The following RIN2 variants were observed in gnomAD, a reference collection of about 807,000 sequenced individuals.
RIN2 encodes the protein Ras and Rab interactor 2.
In RIN2, 36 loss-of-function variants were observed where a neutral mutation model predicts 78.0. The ratio of observed to expected loss-of-function variants is 0.46; its 90% CI spans 0.35 to 0.61. The LOEUF (loss-of-function observed/expected upper bound fraction) is 0.61. RIN2 is among the 20% of genes least tolerant of loss of function. RIN2 has a pLI of 0.00. For missense variants in RIN2, 1,087 were observed against 1,159.7 expected (o/e 0.94, Z 0.91); for synonymous variants, 466 against 466.8 (o/e 1.00, Z 0.02).
chr20:19,839,734 A>G (rs543266752), intron 2 of RIN2, among the ~76,000 whole-genome samples: 20 of 152,226 alleles, frequency 1.3e-4, no homozygotes, highest in South Asian at 1.0e-3. Flanking sequence ...TCTTTGTGCA[A>G]TATGGCTAGC....
chr20:19,992,433 A>G lies in RIN2; in HGVS notation c.2200+134A>G, dbSNP rs918693180. The G allele has an allele frequency of 1.2e-5, 10 of 833,496 alleles. No homozygotes were observed. In the Middle Eastern group the frequency reaches 1.1e-3, roughly 92 times the overall value. 51.6% of individuals were successfully genotyped at this position (833,496 alleles called of 1,614,324 possible). A position where few individuals can be genotyped will look rare whatever the true frequency, so the allele number is the denominator to read the frequency against. ...TTCAGTGGCATTTAGTATATTCACA[A>G]TGTCATGCATTCTCCACCTTTATTT... On this transcript the variant is annotated intron_variant, in intron 11 of 12. Transcript: ENST00000255006.
intron 2 of RIN2, among the ~76,000 whole-genome samples, chr20:19,869,213 G>A (rs761215432): frequency 6.6e-6 from 1 of 152,182 alleles, no homozygotes; most frequent in East Asian, 1.9e-4. Context: ...TGCAAATAAA[G>A]GTTTGAATGA....
chr20:19,792,744 C>T (rs1324768743), intron 1 of RIN2, among the ~76,000 whole-genome samples: 1 of 152,192 alleles, frequency 6.6e-6, no homozygotes. Context: ...ACAAAATGAG[C>T]ATATTCTATT....
At chr20:19,867,803 T>C (rs548521947) in intron 2 of RIN2, among the ~76,000 whole-genome samples, 3 of 152,342 alleles carry the variant, frequency 2.0e-5, no homozygotes, top group South Asian at 4.1e-4. Flanking sequence ...TTAAGAGTTG[T>C]GGTTTGTCTA....
chr20:19,806,285 G>A (rs1012085333), intron 2 of RIN2, among the ~76,000 whole-genome samples: 6 of 152,282 alleles, frequency 3.9e-5, no homozygotes, highest in Middle Eastern at 3.4e-3. Flanking sequence ...AGTTCCTTGA[G>A]GAATCGCCCC....
intron 3 of RIN2, among the ~76,000 whole-genome samples, chr20:19,928,438 G>A (rs150369609): frequency 2.1e-3 from 316 of 152,300 alleles, no homozygotes; most frequent in African/African-American, 7.1e-3. Context: ...AGGCCACACC[G>A]CCTCGAAATT....
At chr20:19,999,966 C>T (rs930242638) in intron 12 of RIN2, among the ~76,000 whole-genome samples, 1 of 152,134 alleles carries the variant, frequency 6.6e-6, no homozygotes, top group Admixed American at 6.5e-5. Context: ...CAAAAGTCAG[C>T]GCATTTTGTG....
Position 19,993,245 on chromosome 20 carries a change from C to G in RIN2, c.2200+946C>G, listed in dbSNP as rs146776988. Among the ~76,000 whole-genome samples the G allele has an allele frequency of 6.6e-5, 10 of 151,654 alleles. No homozygotes were observed. The East Asian group carries it at 2.0e-3, about 30-fold the overall frequency. The stretch of plus-strand genomic sequence containing the variant: ...TTATATATCCAGATAAAAGCCCAGA[C>G]AAGCCCTGGGGGGGATTGTCACGGT... On this transcript the variant is annotated intron_variant, in intron 11 of 12. Transcript: ENST00000255006.
chr20:19,784,267 A>G (rs938219816), intron 1 of RIN2, among the ~76,000 whole-genome samples: 3 of 152,198 alleles, frequency 2.0e-5, no homozygotes, highest in Admixed American at 2.0e-4. Context: ...GATGATATCT[A>G]AGAATTGTAG....
intron 11 of RIN2, among the ~76,000 whole-genome samples, chr20:19,995,261 T>TAAAAAAAA (rs74180976): frequency 8.1e-6 from 1 of 122,706 alleles, no homozygotes. Flanking sequence ...GTTTTTTTTT[T>TAAAAAAAA]AAAAAAAAAA....
At chr20:19,933,267 T>C (rs1568626318) in intron 3 of RIN2, among the ~76,000 whole-genome samples, 1 of 152,228 alleles carries the variant, frequency 6.6e-6, no homozygotes, top group East Asian at 1.9e-4. Context: ...GTGAATACCA[T>C]GATCTACAAA....
At position 19,903,275 on chromosome 20, in the gene RIN2, G is replaced by A. The variant is rs376126577; in HGVS notation, c.57+13617G>A. On this transcript the variant is annotated intron_variant, in intron 3 of 12. Transcript: ENST00000255006. ...AATAAAGGGAGCTTGAGGGATCATC[G>A]GTGGAGGAGCAGCCAGCGCTCGTGT... is the stretch of plus-strand genomic sequence containing the variant. Among the ~76,000 whole-genome samples, 7 of 152,180 alleles carry A rather than the reference G, an allele frequency of 4.6e-5. No individual in the cohort carries two copies. In the East Asian group the frequency reaches 1.2e-3, roughly 25 times the overall value.
chr20:19,925,233 C>T (rs1348593836), intron 3 of RIN2, among the ~76,000 whole-genome samples: 1 of 152,194 alleles, frequency 6.6e-6, no homozygotes, highest in Non-Finnish European at 1.5e-5. Context: ...GTAGTTGTTC[C>T]TTGCTCTCTA....
intron 4 of RIN2, 122 bp downstream of exon 4, chr20:19,935,321 C>G (rs2040596245): frequency 8.0e-7 from 1 of 1,246,454 alleles, no homozygotes; most frequent in East Asian, 2.6e-5. Context: ...GGTAGCAGCT[C>G]TAGATGAAAT....
intron 2 of RIN2, among the ~76,000 whole-genome samples, chr20:19,874,860 ATTTTATT>A (rs2037807684): frequency 9.8e-6 from 1 of 101,618 alleles, no homozygotes; most frequent in African/African-American, 3.7e-5. Context: ...ATTTTATTTT[ATTTTATT>A]TTTTATTTTT....
At chr20:19,972,181 A>G (rs1248043544) in intron 8 of RIN2, among the ~76,000 whole-genome samples, 1 of 152,180 alleles carries the variant, frequency 6.6e-6, no homozygotes, top group African/African-American at 2.4e-5. Context: ...TAAAAGTTGC[A>G]CCTTCTCTTG....
intron 9 of RIN2, among the ~76,000 whole-genome samples, chr20:19,979,947 G>C (rs2042392498): frequency 6.6e-6 from 1 of 150,742 alleles, no homozygotes; most frequent in Non-Finnish European, 1.5e-5. Flanking sequence ...CAGAGGCTGA[G>C]GCAGGAGAAT....
chr20:19,944,244 A>C (rs911926931), intron 4 of RIN2, among the ~76,000 whole-genome samples: 9 of 152,122 alleles, frequency 5.9e-5, no homozygotes, highest in Non-Finnish European at 1.3e-4. Flanking sequence ...GTCTCTCTAC[A>C]TAAGGGGCCT....
chr20:19,857,822 A>G (rs2037213064), intron 2 of RIN2, among the ~76,000 whole-genome samples: 1 of 150,424 alleles, frequency 6.6e-6, no homozygotes, highest in South Asian at 2.1e-4. Context: ...CCTGTCTCTA[A>G]TAATAATAAT....
Sources: allele counts gnomAD v4.1 joint callset (sites outside exome capture counted in the v4.1 genomes callset), GRCh38; gene constraint gnomAD v4.1.1; transcripts MANE v1.5; gene names NCBI Gene and HGNC (gene_info 2026-07-23, HGNC 2026-07-21).